Variants in COL12A1 observed in about 807,000 individuals in gnomAD.
The protein encoded by COL12A1 is collagen type XII alpha 1 chain.
In COL12A1, 114 loss-of-function variants were observed where a neutral mutation model predicts 349.7. The observed-to-expected ratio is 0.33, with a 90% confidence interval of 0.28 to 0.38. The LOEUF (loss-of-function observed/expected upper bound fraction) is 0.38, where lower values mean the gene tolerates loss of function less well. COL12A1 is among the 10% of genes least tolerant of loss of function. The probability of loss-of-function intolerance (pLI) is 1.00; values close to 1 mark genes in which losing one functional copy is unlikely to be tolerated. For missense variants in COL12A1, 3,284 were observed against 3,756.9 expected (o/e 0.87, Z 3.29); for synonymous variants, 1,369 against 1,329.0 (o/e 1.03, Z -0.66).
intron 1 of COL12A1, 67 bp downstream of exon 1, chr6:75,205,710 A>ACGC (rs1177215378): frequency 6.5e-6 from 1 of 153,042 alleles, no homozygotes; most frequent in Non-Finnish European, 1.5e-5. Flanking sequence ...TGCAAGCTAG[A>ACGC]CGCCGTTTCC....
rs1562223444 is a variant in COL12A1, at chr6:75,147,792, G to A, written c.4300C>T (p.Arg1434Ter). 6.2e-7 allele frequency: 1 copy of A among 1,612,154 alleles called. No homozygotes were observed. The highest frequency in any genetic ancestry group is 8.5e-7 in the Non-Finnish European group (1 of 1,179,194). Residue 1434 changes from arginine (R) to a stop codon, truncating the protein, a stop_gained, in exon 23 of 66, where the codon CGA (arginine) becomes TGA (stop). Coordinates refer to ENST00000322507, the MANE Select transcript of COL12A1 (RefSeq NM_004370.6). LOFTEE classifies it high-confidence loss of function. ...GGKRQEFYVS[R>*]METSTVLKDL... ...TTCAGCACTGTGCTAGTTTCCATTC[G>A]ACTCACATAAAACTAGGGGGAAAAA...
Position 75,138,305 on chromosome 6 carries a change from A to G in COL12A1, c.5251+15T>C, listed in dbSNP as rs542358596. The stretch of plus-strand genomic sequence containing the variant: ...TATTTGTTCATTCAAACAATTCATC[A>G]AATTAAATTCTTACCTTGTGTTGTT... On this transcript the variant is annotated intron_variant, in intron 30 of 65. Coordinates refer to ENST00000322507, the MANE Select transcript of COL12A1 (RefSeq NM_004370.6). 35 of 1,601,216 alleles carry G rather than the reference A, an allele frequency of 2.2e-5. No homozygotes were observed. In the African/African-American group the frequency reaches 4.4e-4, roughly 20 times the overall value.
intron 29 of COL12A1, 40 bp from the exon 30 acceptor site, chr6:75,138,380 G>A (rs772535497): frequency 2.5e-6 from 4 of 1,609,788 alleles, no homozygotes; most frequent in Non-Finnish European, 3.4e-6. Flanking sequence ...TACTAATATA[G>A]CTGTAGCCCT....
rs768721378 is a variant in COL12A1, at chr6:75,137,583, A to G, written c.5252-4T>C. 1 of 1,613,682 alleles carries G rather than the reference A, an allele frequency of 6.2e-7. No homozygotes were observed. The highest frequency in any genetic ancestry group is 1.7e-5 in the Admixed American group (1 of 59,994). On this transcript the variant is annotated splice_region_variant and splice_polypyrimidine_tract_variant and intron_variant, in intron 30 of 65. Transcript: ENST00000322507. ...TTTCGTGGGCCACTTTTGGGAGCTG[A>G]AAGAAGATTGTTGAAAAACTGAGTA...
chr6:75,144,427 C>G (rs1767072977), intron 25 of COL12A1, among the ~76,000 whole-genome samples: 1 of 152,200 alleles, frequency 6.6e-6, no homozygotes, highest in Non-Finnish European at 1.5e-5. Flanking sequence ...TCTGCCCCAT[C>G]ATGCTCTGTT....
At chr6:75,143,553 A>G (rs998406372) in intron 25 of COL12A1, among the ~76,000 whole-genome samples, 165 bp from the exon 26 acceptor site, 1 of 152,256 alleles carries the variant, frequency 6.6e-6, no homozygotes, top group Non-Finnish European at 1.5e-5. Flanking sequence ...TCTACCAGAT[A>G]GACTGAATTC....
intron 2 of COL12A1, among the ~76,000 whole-genome samples, chr6:75,199,931 T>A (rs1477403682): frequency 6.6e-6 from 1 of 152,026 alleles, no homozygotes; most frequent in East Asian, 1.9e-4. Context: ...TTCAAAAAGG[T>A]ATTGGGTTTT....
chr6:75,103,072 A>C (rs1768379298), intron 55 of COL12A1, among the ~76,000 whole-genome samples: 1 of 152,174 alleles, frequency 6.6e-6, no homozygotes, highest in African/African-American at 2.4e-5. Flanking sequence ...TATTTCTGGG[A>C]CTAAAGGATA....
At chr6:75,167,089 C>A (rs558685065) in intron 13 of COL12A1, among the ~76,000 whole-genome samples, 1 of 152,244 alleles carries the variant, frequency 6.6e-6, no homozygotes, top group South Asian at 2.1e-4. Flanking sequence ...TTACCCTCAG[C>A]TCTTGAGGTT....
rs772109050 is a variant in COL12A1 at position 75,188,372 on chromosome 6, A to G, written c.987T>C (p.Ser329=). 4.2e-5 allele frequency: 67 copies of G among 1,613,138 alleles called. No homozygotes were observed. In the East Asian group the frequency reaches 1.2e-3, roughly 30 times the overall value. ...GVDEQLGELV[S]GEEVVEPPSN... ...ACACAGTCTACTCACCTTCTTCTCC[A>G]CTAACCAATTCACCAAGTTGTTCAT... The change falls in exon 8 of 66, where the codon AGT becomes AGC. Residue 329 remains serine (S), a synonymous_variant. Transcript: ENST00000322507.
Position 75,150,157 on chromosome 6 carries a change from G to A in COL12A1, c.4147+984C>T, listed in dbSNP as rs1767409934. Among the ~76,000 whole-genome samples the A allele has an allele frequency of 2.0e-5, 3 of 151,012 alleles. No individual in the cohort carries two copies. In the South Asian group the frequency reaches 6.3e-4, roughly 32 times the overall value. ...CCAAAACCAAATTAAATTAATGAAGGACAATTTTACCATAATCTACATGTA... is the reference window on the plus strand; with the variant it reads ...CCAAAACCAAATTAAATTAATGAAGAACAATTTTACCATAATCTACATGTA... On this transcript the variant is annotated intron_variant, in intron 21 of 65. Coordinates refer to ENST00000322507, the MANE Select transcript of COL12A1 (RefSeq NM_004370.6).
intron 26 of COL12A1, 57 bp downstream of exon 26, chr6:75,143,195 T>C (rs1766999967): frequency 6.3e-7 from 1 of 1,599,486 alleles, no homozygotes; most frequent in Non-Finnish European, 8.5e-7. Flanking sequence ...TAAAGTTCTT[T>C]TTTTAAACCT....
chr6:75,103,669 C>G, intron 55 of COL12A1, 88 bp downstream of exon 55: 1 of 1,111,882 alleles, frequency 9.0e-7, no homozygotes, highest in Non-Finnish European at 1.4e-6. Context: ...CTGACTTGCT[C>G]AAGATCACAT....
chr6:75,095,882 G>A (rs1768004283), intron 59 of COL12A1, among the ~76,000 whole-genome samples: 1 of 152,032 alleles, frequency 6.6e-6, no homozygotes, highest in Non-Finnish European at 1.5e-5. Flanking sequence ...AAAACACAGA[G>A]GTTGAAAATT....
In COL12A1 at chr6:75,133,341, C is replaced by T. The variant is rs778672810; in HGVS notation, c.5746G>A (p.Val1916Ile). ...DTSYTVTVVP[V>I]YTEGDGGRTS... is the part of the protein sequence containing the mutation. ...CGTCCCCCATCACCTTCAGTATAAA[C>T]GGGAACTACAGTCACAGTGTATGAG... Residue 1916 changes from valine to isoleucine, a missense_variant, in exon 34 of 66, where the codon GTT becomes ATT. Physicochemically the swap from Val to Ile is conservative, Grantham distance 29 (BLOSUM62 3). Transcript: ENST00000322507. 4.2e-5 allele frequency: 67 copies of T among 1,611,332 alleles called. No homozygotes were observed. Among genetic ancestry groups the T allele is most frequent in the African/African-American group, 1.1e-4 (8 of 74,820 alleles).
Position 75,156,449 on chromosome 6 carries a change from G to A in COL12A1, c.3058C>T (p.Pro1020Ser). The change falls in exon 15 of 66, where the codon CCA (proline) becomes TCA (serine). Residue 1020 changes from proline to serine, a missense_variant. By Grantham distance (74) the Pro-to-Ser change is moderately conservative. Around this residue, in one of 2 missense-constraint regions of COL12A1, gnomAD observed 2,601 missense variants for 2,824.8 expected, o/e 0.92. Coordinates refer to ENST00000322507, the MANE Select transcript of COL12A1 (RefSeq NM_004370.6). ...ACACGGTAGTTGACGACTTTCCCTG[G>A]TGCTGGTTTCCATGTAACTCTCATT... ...NTMRVTWKPAPGKVVNYRVVY... is the reference protein window; with the variant it reads ...NTMRVTWKPASGKVVNYRVVY... 6.2e-7 allele frequency: 1 copy of A among 1,613,812 alleles called. No individual in the cohort carries two copies. Among genetic ancestry groups the A allele is most frequent in the Non-Finnish European group, 8.5e-7 (1 of 1,179,884 alleles).
At chr6:75,160,641 T>G (rs1049493846) in intron 14 of COL12A1, among the ~76,000 whole-genome samples, 2 of 152,188 alleles carry the variant, frequency 1.3e-5, no homozygotes, top group African/African-American at 4.8e-5. Flanking sequence ...GGAGATTGGT[T>G]TCAGGATCTC....
chr6:75,087,790 T>C, intron 64 of COL12A1, 43 bp from the exon 65 acceptor site: 3 of 1,591,692 alleles, frequency 1.9e-6, no homozygotes, highest in Non-Finnish European at 2.6e-6. Flanking sequence ...TCTTGTCAAA[T>C]ACAACTCCTG....
intron 53 of COL12A1, among the ~76,000 whole-genome samples, chr6:75,105,685 C>T (rs917093503): frequency 2.0e-5 from 3 of 152,156 alleles, no homozygotes; most frequent in African/African-American, 7.2e-5. Context: ...GCTTAAATCT[C>T]CCCTTATCAC....
Sources: gnomAD v4.1 joint callset for allele counts (sites outside exome capture counted in the v4.1 genomes callset) on GRCh38, gnomAD v4.1.1 for gene constraint, gnomAD v4.1.1 regional missense constraint, MANE v1.5 for transcripts, NCBI Gene and HGNC (gene_info 2026-07-23, HGNC 2026-07-21) for gene names.